The following NEK11 variants were observed in gnomAD, a reference collection of about 807,000 sequenced individuals.
NEK11 encodes the protein NIMA related kinase 11, also known as serine/threonine-protein kinase Nek11.
A neutral mutation model predicts 80.7 loss-of-function variants in NEK11; 72 were observed. That is an observed-to-expected ratio of 0.89 (90% CI 0.74 to 1.08). The LOEUF is 1.08. NEK11 is among the 50% of genes least tolerant of loss of function. NEK11 has a pLI of 0.00. For synonymous variants in NEK11, 251 were observed against 260.7 expected (o/e 0.96, Z 0.36); for missense variants, 764 against 763.6 (o/e 1.00, Z -0.01).
intron 17 of NEK11, among the ~76,000 whole-genome samples, chr3:131,309,903 C>T (rs546935358): frequency 9.4e-5 from 13 of 137,754 alleles, no homozygotes; most frequent in South Asian, 2.4e-4. Context: ...GCAGGAGGAT[C>T]GGTTGAGCTT....
intron 17 of NEK11, among the ~76,000 whole-genome samples, chr3:131,315,110 GTTTC>G (rs770331977): frequency 3.9e-5 from 6 of 152,144 alleles, no homozygotes; most frequent in East Asian, 1.9e-4. Context: ...ATCTCATATA[GTTTC>G]TTTGTGTGTA....
chr3:131,087,622 A>T (rs1374133437), intron 4 of NEK11, among the ~76,000 whole-genome samples: 1 of 152,202 alleles, frequency 6.6e-6, no homozygotes, highest in East Asian at 1.9e-4. Context: ...AAAACGGAAC[A>T]TTTGAAATTT....
At chr3:131,345,094 T>C (rs1007458972) in intron 17 of NEK11, among the ~76,000 whole-genome samples, 1 of 152,246 alleles carries the variant, frequency 6.6e-6, no homozygotes, top group Non-Finnish European at 1.5e-5. Context: ...CAATTGTGTT[T>C]TGTTTTTCAA....
chr3:131,031,963 AGT>A (rs751811074), intron 3 of NEK11, among the ~76,000 whole-genome samples: 13 of 144,672 alleles, frequency 9.0e-5, no homozygotes, highest in South Asian at 6.6e-4. Context: ...TAAATTAATC[AGT>A]TTTTTTTTTT....
intron 4 of NEK11, among the ~76,000 whole-genome samples, chr3:131,107,406 T>C (rs1260856173): frequency 6.6e-6 from 1 of 151,996 alleles, no homozygotes; most frequent in Non-Finnish European, 1.5e-5. Context: ...GCTTCACTGA[T>C]ATTTCTTTAA....
chr3:131,279,283 G>C (rs1561345656), intron 17 of NEK11, among the ~76,000 whole-genome samples: 1 of 152,074 alleles, frequency 6.6e-6, no homozygotes, highest in African/African-American at 2.4e-5. Flanking sequence ...CCAGGAGACA[G>C]GTTGCAGTGA....
intron 17 of NEK11, among the ~76,000 whole-genome samples, chr3:131,322,546 A>G (rs2109771300): frequency 6.6e-6 from 1 of 152,314 alleles, no homozygotes; most frequent in Middle Eastern, 3.4e-3. Context: ...AACATCACTA[A>G]TCATCAGAGA....
chr3:131,120,152 G>A lies in NEK11; in HGVS notation c.455+10231G>A, dbSNP rs146842567. 2.6e-3 allele frequency among the ~76,000 whole-genome samples: 398 copies of A among 152,292 alleles called. 3 individuals carry two copies. Among genetic ancestry groups the A allele is most frequent in the African/African-American group, 9.2e-3 (381 of 41,560 alleles). On this transcript the variant is annotated intron_variant, in intron 5 of 17. Coordinates refer to ENST00000383366, the MANE Select transcript of NEK11 (RefSeq NM_024800.5). ...TTTCCATGTTTAGTGCTTCCTTCAG[G>A]AGGTCTTGTAAGGTAGACCTGGTGG... is the stretch of plus-strand genomic sequence containing the variant.
chr3:131,189,297 T>C (rs1349466237), intron 14 of NEK11, among the ~76,000 whole-genome samples: 1 of 152,214 alleles, frequency 6.6e-6, no homozygotes, highest in African/African-American at 2.4e-5. Flanking sequence ...ACTAAAACAC[T>C]TCTTGTCTTA....
intron 5 of NEK11, among the ~76,000 whole-genome samples, chr3:131,117,706 T>G (rs959590311): frequency 6.6e-6 from 1 of 152,204 alleles, no homozygotes; most frequent in African/African-American, 2.4e-5. Flanking sequence ...CCTTGTAAGT[T>G]GGATTCCTAG....
At chr3:131,300,520 A>C (rs755950358) in intron 17 of NEK11, among the ~76,000 whole-genome samples, 15 of 152,126 alleles carry the variant, frequency 9.9e-5, no homozygotes, top group Non-Finnish European at 2.1e-4. Context: ...TAGGTTTTAC[A>C]TTTAAGTCTT....
chr3:131,305,707 G>T (rs1463685160), intron 17 of NEK11, among the ~76,000 whole-genome samples: 3 of 152,140 alleles, frequency 2.0e-5, no homozygotes, highest in Non-Finnish European at 4.4e-5. Flanking sequence ...GTCTCCTGCT[G>T]CTAGAATTCC....
intron 17 of NEK11, among the ~76,000 whole-genome samples, chr3:131,326,640 C>G (rs1014051211): frequency 1.6e-4 from 25 of 152,170 alleles, no homozygotes; most frequent in African/African-American, 6.0e-4. Flanking sequence ...TATACTATCC[C>G]TAAACCCAAG....
intron 5 of NEK11, among the ~76,000 whole-genome samples, chr3:131,116,749 T>G (rs576266605): frequency 2.6e-4 from 40 of 152,336 alleles, no homozygotes; most frequent in Non-Finnish European, 4.4e-4. Context: ...TTTTTTCATG[T>G]GTCTTTTGGC....
At chr3:131,066,025 C>T (rs1178679235) in intron 3 of NEK11, among the ~76,000 whole-genome samples, 1 of 152,194 alleles carries the variant, frequency 6.6e-6, no homozygotes, top group Non-Finnish European at 1.5e-5. Context: ...CACAAGAAGA[C>T]TGCATTTCTC....
rs1250009106 is a variant in NEK11, at chr3:131,151,646, C to T, written c.648-742C>T. Among the ~76,000 whole-genome samples the T allele has an allele frequency of 2.0e-5, 3 of 151,544 alleles. 1 individual carries two copies. Among genetic ancestry groups the T allele is most frequent in the Non-Finnish European group, 4.4e-5 (3 of 67,834 alleles). On this transcript the variant is annotated intron_variant, in intron 7 of 17. Transcript: ENST00000383366. ...CATAAGATAAAAATAATTCATTATT[C>T]AGGAGAAGTGCCATTATTTCTTAAT...
intron 3 of NEK11, among the ~76,000 whole-genome samples, chr3:131,056,174 C>A (rs1323418607): frequency 6.6e-6 from 1 of 152,126 alleles, no homozygotes; most frequent in Non-Finnish European, 1.5e-5. Context: ...TGGGCTGGTT[C>A]TGTCTGTCTC....
chr3:131,332,216 C>T (rs1464875505), intron 17 of NEK11, among the ~76,000 whole-genome samples: 2 of 152,212 alleles, frequency 1.3e-5, no homozygotes, highest in African/African-American at 4.8e-5. Context: ...GAGGCACCCC[C>T]CAGTAGGGGC....
chr3:131,305,507 CA>C (rs1431671437), intron 17 of NEK11, among the ~76,000 whole-genome samples: 1 of 152,204 alleles, frequency 6.6e-6, no homozygotes, highest in Non-Finnish European at 1.5e-5. Context: ...CTAGGTCCAA[CA>C]GTCTCCCTAA....
Sources: gnomAD v4.1 joint callset for allele counts (sites outside exome capture counted in the v4.1 genomes callset) on GRCh38, gnomAD v4.1.1 for gene constraint, MANE v1.5 for transcripts, NCBI Gene and HGNC (gene_info 2026-07-23, HGNC 2026-07-21) for gene names.